POLA1: variants seen among roughly 807,000 people sequenced by gnomAD.
The protein encoded by POLA1 is DNA polymerase alpha 1, catalytic subunit.
Under a neutral mutation model 124.0 loss-of-function variants are expected in POLA1, and 15 were observed. The ratio of observed to expected loss-of-function variants is 0.12; its 90% CI spans 0.08 to 0.19. The LOEUF is 0.19. Among genes scored for constraint, POLA1 ranks in the 10% least tolerant of loss-of-function variants. The pLI is 1.00. For synonymous variants in POLA1, 408 were observed against 389.4 expected, an observed-to-expected ratio of 1.05 and a Z score of -0.56; for missense variants, 886 against 1,103.4, an observed-to-expected ratio of 0.80 and a Z score of 2.79.
rs181348009 is a variant in POLA1 at position 24,953,223 on chromosome X, A to G, written c.4261+22674A>G. Among the ~76,000 whole-genome samples, 483 of 112,195 alleles carry G rather than the reference A, an allele frequency of 4.3e-3. 5 individuals are homozygous for G. The highest frequency in any genetic ancestry group is 0.014 in the African/African-American group (448 of 30,921). ...TCAGTGTCAGACATCCTAGCTATTG[A>G]AAAAGAAATCGTTAAACATCTGTGT... On this transcript the variant is annotated intron_variant, in intron 36 of 36. Coordinates refer to ENST00000379068, the MANE Select transcript of POLA1 (RefSeq NM_001330360.2).
chrX:24,884,169 G>C (rs1378335716), intron 34 of POLA1, among the ~76,000 whole-genome samples: 1 of 110,705 alleles, frequency 9.0e-6, no homozygotes, highest in African/African-American at 3.3e-5. Context: ...ATTTTTTTGA[G>C]ACAGGATCTC....
At chrX:24,762,887 G>A (rs982178641) in intron 26 of POLA1, among the ~76,000 whole-genome samples, 8 of 110,523 alleles carry the variant, frequency 7.2e-5, no homozygotes, top group Admixed American at 1.9e-4. Flanking sequence ...ACAGGTGTGC[G>A]CCACCACTCT....
chrX:24,984,112 A>G (rs1235363075), intron 36 of POLA1, among the ~76,000 whole-genome samples: 1 of 112,369 alleles, frequency 8.9e-6, no homozygotes, highest in African/African-American at 3.2e-5. Flanking sequence ...TTGAGTCATA[A>G]ATGTGACATA....
intron 36 of POLA1, among the ~76,000 whole-genome samples, chrX:24,957,512 G>C (rs1006357977): frequency 9.0e-6 from 1 of 111,113 alleles, no homozygotes; most frequent in Non-Finnish European, 1.9e-5. Flanking sequence ...CATGTACCAC[G>C]CTCAAGGTGA....
intron 35 of POLA1, among the ~76,000 whole-genome samples, chrX:24,891,446 G>A (rs1183215125): frequency 9.0e-6 from 1 of 111,636 alleles, no homozygotes; most frequent in Non-Finnish European, 1.9e-5. Context: ...TGCTAATAAT[G>A]GGCGAGGAAT....
intron 34 of POLA1, among the ~76,000 whole-genome samples, chrX:24,856,093 T>C (rs1409732435): frequency 8.9e-6 from 1 of 112,140 alleles, no homozygotes; most frequent in Admixed American, 9.4e-5. Flanking sequence ...AGCATGTATA[T>C]AGATTCATAC....
intron 34 of POLA1, among the ~76,000 whole-genome samples, chrX:24,869,079 G>A (rs963708424): frequency 2.7e-5 from 3 of 111,677 alleles, no homozygotes; most frequent in African/African-American, 3.3e-5. Flanking sequence ...GACTACAGGC[G>A]TGTGCCACCA....
At chrX:24,856,940 GCTTGT>G (rs2046653413) in intron 34 of POLA1, among the ~76,000 whole-genome samples, 1 of 110,460 alleles carries the variant, frequency 9.1e-6, no homozygotes, top group Non-Finnish European at 1.9e-5. Context: ...CCAGTCTGTA[GCTTGT>G]CTTTTCATTC....
intron 30 of POLA1, among the ~76,000 whole-genome samples, chrX:24,817,739 T>G (rs1234294706): frequency 9.0e-6 from 1 of 111,433 alleles, no homozygotes; most frequent in African/African-American, 3.3e-5. Flanking sequence ...CTATCTTTAT[T>G]GTAGTTCTGT....
chrX:24,734,849 C>G (rs914615628), intron 17 of POLA1, among the ~76,000 whole-genome samples: 2 of 111,813 alleles, frequency 1.8e-5, no homozygotes, highest in African/African-American at 6.5e-5. Context: ...CTCCTGACCT[C>G]AAGTGATTCA....
intron 34 of POLA1, among the ~76,000 whole-genome samples, chrX:24,885,803 C>T (rs919487161): frequency 8.9e-6 from 1 of 112,185 alleles, no homozygotes; most frequent in African/African-American, 3.2e-5. Context: ...GGATTACAGG[C>T]GTGAACCACT....
At chrX:24,755,908 T>C (rs901688956) in intron 26 of POLA1, among the ~76,000 whole-genome samples, 1 of 112,374 alleles carries the variant, frequency 8.9e-6, no homozygotes, top group African/African-American at 3.2e-5. Context: ...TGAACGTTCC[T>C]GTATTGTTCC....
chrX:24,807,746 T>C (rs1406634925), intron 26 of POLA1, among the ~76,000 whole-genome samples: 3 of 111,267 alleles, frequency 2.7e-5, no homozygotes, highest in Non-Finnish European at 5.7e-5. Context: ...AGTAAAATAA[T>C]TCAAACACAG....
intron 4 of POLA1, among the ~76,000 whole-genome samples, chrX:24,707,474 G>T (rs1456764012): frequency 8.9e-6 from 1 of 112,059 alleles, no homozygotes; most frequent in Non-Finnish European, 1.9e-5. Context: ...ATCTGGAAGA[G>T]AGCTAGTCTT....
intron 36 of POLA1, among the ~76,000 whole-genome samples, chrX:24,974,053 A>G (rs1569382425): frequency 1.8e-5 from 2 of 109,225 alleles, no homozygotes. Flanking sequence ...TATCAATTAA[A>G]TGACAGGAAA....
intron 36 of POLA1, among the ~76,000 whole-genome samples, chrX:24,946,506 A>G (rs764469447): frequency 1.3e-4 from 14 of 111,507 alleles, no homozygotes; most frequent in Non-Finnish European, 2.5e-4. Context: ...GGTACCCACA[A>G]ATTAGACCCT....
intron 26 of POLA1, among the ~76,000 whole-genome samples, chrX:24,804,634 G>T (rs1483913737): frequency 9.0e-6 from 1 of 111,516 alleles, no homozygotes. Context: ...CACCAAAGTG[G>T]GTTTCTTGTT....
At chrX:24,740,816 C>T (rs897178474) in intron 20 of POLA1, among the ~76,000 whole-genome samples, 2 of 111,905 alleles carry the variant, frequency 1.8e-5, no homozygotes, top group African/African-American at 6.5e-5. Flanking sequence ...GTAAAATCTT[C>T]CACTGTTTCC....
chrX:24,900,756 C>T (rs1281157198), intron 35 of POLA1, among the ~76,000 whole-genome samples: 4 of 111,608 alleles, frequency 3.6e-5, no homozygotes, highest in Non-Finnish European at 7.5e-5. Flanking sequence ...ATTGGCAGTC[C>T]TGAAGGCTTT....
Sources: gnomAD v4.1 joint callset for allele counts (sites outside exome capture counted in the v4.1 genomes callset) on GRCh38, gnomAD v4.1.1 for gene constraint, MANE v1.5 for transcripts, NCBI Gene and HGNC (gene_info 2026-07-23, HGNC 2026-07-21) for gene names.